Variants in CDYL2 observed in about 807,000 individuals in gnomAD.
CDYL2 encodes the protein chromodomain Y-like protein 2.
A neutral mutation model predicts 49.4 loss-of-function variants in CDYL2; 23 were observed. The ratio of observed to expected loss-of-function variants is 0.47; its 90% CI spans 0.34 to 0.66. The LOEUF (loss-of-function observed/expected upper bound fraction) is 0.66, where lower values mean the gene tolerates loss of function less well. Ranked by LOEUF, CDYL2 falls within the 30% of genes least tolerant of loss-of-function variation. The probability of loss-of-function intolerance (pLI) is 0.01; values close to 1 mark genes in which losing one functional copy is unlikely to be tolerated. For synonymous variants in CDYL2, 360 were observed against 268.8 expected, an observed-to-expected ratio of 1.34 and a Z score of -3.32; for missense variants, 678 against 656.4, an observed-to-expected ratio of 1.03 and a Z score of -0.36.
chr16:80,659,151 G>A (rs1036272108), intron 2 of CDYL2, among the ~76,000 whole-genome samples: 2 of 152,074 alleles, frequency 1.3e-5, no homozygotes, highest in African/African-American at 4.8e-5. Context: ...AGAAGGAAGA[G>A]CATCATATCA....
intron 1 of CDYL2, among the ~76,000 whole-genome samples, chr16:80,719,823 T>C (rs1379577151): frequency 6.6e-6 from 1 of 152,200 alleles, no homozygotes; most frequent in African/African-American, 2.4e-5. Context: ...ACAGGGATGA[T>C]GACAACAGAA....
chr16:80,790,969 T>C (rs148613774), intron 1 of CDYL2, among the ~76,000 whole-genome samples: 12 of 152,356 alleles, frequency 7.9e-5, no homozygotes, highest in African/African-American at 2.6e-4. Context: ...TCACCAGTTT[T>C]AGCATCTCAA....
chr16:80,756,000 A>G (rs113102413), intron 1 of CDYL2, among the ~76,000 whole-genome samples: 2 of 152,318 alleles, frequency 1.3e-5, no homozygotes, highest in African/African-American at 4.8e-5. Context: ...AAGAAATGGA[A>G]TTACAAATTA....
At chr16:80,661,191 A>G (rs1386234195) in intron 2 of CDYL2, among the ~76,000 whole-genome samples, 1 of 152,040 alleles carries the variant, frequency 6.6e-6, no homozygotes, top group Non-Finnish European at 1.5e-5. Context: ...AGGGAGGAAA[A>G]GTTTAGACAG....
At chr16:80,655,017 G>A (rs1161614965) in intron 2 of CDYL2, among the ~76,000 whole-genome samples, 1 of 152,186 alleles carries the variant, frequency 6.6e-6, no homozygotes, top group Non-Finnish European at 1.5e-5. Context: ...TCCAGGGCAC[G>A]GTCCCGTTCG....
chr16:80,718,239 C>T (rs1204649081), intron 1 of CDYL2, among the ~76,000 whole-genome samples: 1 of 152,104 alleles, frequency 6.6e-6, no homozygotes. Context: ...AATTGAAGGA[C>T]CAATTTGAAG....
At chr16:80,697,959 G>A (rs914803059) in intron 1 of CDYL2, among the ~76,000 whole-genome samples, 1 of 152,004 alleles carries the variant, frequency 6.6e-6, no homozygotes, top group African/African-American at 2.4e-5. Context: ...TTGTTAAAAT[G>A]GCCATACTAG....
chr16:80,774,423 T>A (rs1280600273), intron 1 of CDYL2, among the ~76,000 whole-genome samples: 3 of 152,002 alleles, frequency 2.0e-5, no homozygotes, highest in Admixed American at 6.6e-5. Context: ...GGAAGGAGGT[T>A]GATCAACAGG....
chr16:80,679,719 T>C (rs1293630293), intron 2 of CDYL2: 1 of 456,114 alleles, frequency 2.2e-6, no homozygotes, highest in Non-Finnish European at 4.4e-6. Context: ...GCACTTCAAG[T>C]TTCCTCAATA....
chr16:80,791,168 G>T (rs113710098), intron 1 of CDYL2, among the ~76,000 whole-genome samples: 1 of 152,064 alleles, frequency 6.6e-6, no homozygotes, highest in African/African-American at 2.4e-5. Context: ...GGATGCTTTC[G>T]GTGAGTTTGG....
chr16:80,696,943 C>G (rs1465450543), intron 1 of CDYL2, among the ~76,000 whole-genome samples: 1 of 152,026 alleles, frequency 6.6e-6, no homozygotes, highest in African/African-American at 2.4e-5. Context: ...GTTGCAGTGC[C>G]CTATGATTGC....
chr16:80,722,863 C>A (rs909793684), intron 1 of CDYL2, among the ~76,000 whole-genome samples: 3 of 152,192 alleles, frequency 2.0e-5, no homozygotes, highest in African/African-American at 7.2e-5. Flanking sequence ...TTCCAACATA[C>A]AAAGGGTTGA....
At chr16:80,609,346 G>A (rs868392061) in intron 5 of CDYL2, among the ~76,000 whole-genome samples, 4 of 152,252 alleles carry the variant, frequency 2.6e-5, no homozygotes, top group South Asian at 4.2e-4. Flanking sequence ...AGCTCCTCTC[G>A]GGTTGACGCT....
rs1485845117 is a variant in CDYL2, at chr16:80,685,047, T to C, written c.107A>G (p.Glu36Gly). The C allele has an allele frequency of 1.9e-6, 3 of 1,614,228 alleles. No individual in the cohort carries two copies. In the South Asian group the frequency reaches 3.3e-5, roughly 18 times the overall value. Residue 36 changes from glutamate (E) to glycine (G), a missense_variant, in exon 2 of 7, where the codon GAG (glutamate) becomes GGG (glycine). Physicochemically the swap from Glu to Gly is moderately conservative, Grantham distance 98 (BLOSUM62 -2). Coordinates refer to ENST00000570137, the MANE Select transcript of CDYL2 (RefSeq NM_152342.4). The part of the protein sequence containing the change: ...LIRWKGYGST[E>G]DTWEPEHHLL... The stretch of plus-strand genomic sequence containing the variant: ...GTGGTGCTCCGGCTCCCACGTGTCC[T>C]CGGTGCTCCCGTAGCCTTTCCATCG...
chr16:80,776,895 G>A (rs1469918075), intron 1 of CDYL2, among the ~76,000 whole-genome samples: 1 of 151,484 alleles, frequency 6.6e-6, no homozygotes. Context: ...TCGACTCACT[G>A]CAACTTCCGC....
Position 80,716,728 on chromosome 16 carries a change from T to C in CDYL2, c.25-31599A>G, listed in dbSNP as rs998965348. Among the ~76,000 whole-genome samples, 6 of 151,116 alleles carry C rather than the reference T, an allele frequency of 4.0e-5. No homozygotes were observed. In the East Asian group the frequency reaches 5.9e-4, roughly 15 times the overall value. On this transcript the variant is annotated intron_variant, in intron 1 of 6. Coordinates refer to ENST00000570137, the MANE Select transcript of CDYL2 (RefSeq NM_152342.4). ...ATGGATAGATATAGTGATGGATGGA[T>C]AATGGATGGATCGATGGATGGATGA...
chr16:80,770,622 T>C (rs370660592), intron 1 of CDYL2, among the ~76,000 whole-genome samples: 1 of 152,198 alleles, frequency 6.6e-6, no homozygotes, highest in South Asian at 2.1e-4. Flanking sequence ...ATGGGGCAGA[T>C]GTGCCATAAA....
At chr16:80,733,434 T>C (rs1273288357) in intron 1 of CDYL2, among the ~76,000 whole-genome samples, 3 of 152,198 alleles carry the variant, frequency 2.0e-5, no homozygotes, top group Non-Finnish European at 4.4e-5. Context: ...TCCAAAAATG[T>C]TGAAAATTCT....
chr16:80,728,442 C>T (rs1321628295), intron 1 of CDYL2, among the ~76,000 whole-genome samples: 1 of 152,190 alleles, frequency 6.6e-6, no homozygotes, highest in Non-Finnish European at 1.5e-5. Flanking sequence ...AAATATGGGA[C>T]TATTTGAAAA....
Sources: allele counts gnomAD v4.1 joint callset (sites outside exome capture counted in the v4.1 genomes callset), GRCh38; gene constraint gnomAD v4.1.1; transcripts MANE v1.5; gene names NCBI Gene and HGNC (gene_info 2026-07-23, HGNC 2026-07-21).